The following DCN variants were observed in gnomAD, a reference collection of about 807,000 sequenced individuals.
DCN encodes the protein decorin, also known as bone proteoglycan II.
A neutral mutation model predicts 36.5 loss-of-function variants in DCN; 17 were observed. The observed-to-expected ratio is 0.47, with a 90% confidence interval of 0.32 to 0.70. DCN has a LOEUF of 0.70. Ranked by LOEUF, DCN falls within the 30% of genes least tolerant of loss-of-function variation. DCN has a pLI of 0.04. For missense variants in DCN, 389 were observed against 430.1 expected (o/e 0.90, Z 0.84); for synonymous variants, 163 against 161.4 (o/e 1.01, Z -0.07).
chr12:91,143,377 G>A lies in DCN; in HGVS notation c.*2681C>T, dbSNP rs1267962956. The A allele has an allele frequency of 1.3e-5, 2 of 152,166 alleles. No individual in the cohort carries two copies. Among genetic ancestry groups the A allele is most frequent in the African/African-American group, 4.8e-5 (2 of 41,438 alleles). The allele number at this position is 152,166 out of a possible 1,614,324, so 9.4% of individuals were successfully genotyped here. A position where few individuals can be genotyped will look rare whatever the true frequency, so the allele number is the denominator to read the frequency against. Reference sequence around the variant, plus strand: ...ACAAAAGACAGACATGGTACAATAGGAAACGAGAGGACTCTCTGCTGACTT... The same window carrying A: ...ACAAAAGACAGACATGGTACAATAGAAAACGAGAGGACTCTCTGCTGACTT... On this transcript the variant is annotated 3_prime_UTR_variant, in exon 8 of 8. Transcript: ENST00000052754.
In DCN at chr12:91,140,883, T is replaced by C. The variant is rs1030177761; in HGVS notation, c.*5175A>G. Reference sequence around the variant, plus strand: ...GTGGCCCAGGCCAAAATTCCTGAAGTCATCTCTGTTTCTTTTCTTTCTCTC... The same window carrying C: ...GTGGCCCAGGCCAAAATTCCTGAAGCCATCTCTGTTTCTTTTCTTTCTCTC... On this transcript the variant is annotated 3_prime_UTR_variant, in exon 8 of 8. Coordinates refer to ENST00000052754, the MANE Select transcript of DCN (RefSeq NM_001920.5). 3.3e-5 allele frequency: 5 copies of C among 152,228 alleles called. No homozygotes were observed. Among genetic ancestry groups the C allele is most frequent in the Non-Finnish European group, 5.9e-5 (4 of 68,074 alleles). The allele number at this position is 152,228 out of a possible 1,614,324, so 9.4% of individuals were successfully genotyped here.
intron 4 of DCN, among the ~76,000 whole-genome samples, chr12:91,157,431 A>C (rs1010613436): frequency 6.6e-6 from 1 of 152,208 alleles, no homozygotes; most frequent in Non-Finnish European, 1.5e-5. Context: ...TATGAAAAAG[A>C]CTATTAGTGA....
At chr12:91,154,111 T>C (rs996934678) in intron 5 of DCN, among the ~76,000 whole-genome samples, 1 of 152,078 alleles carries the variant, frequency 6.6e-6, no homozygotes, top group Non-Finnish European at 1.5e-5. Context: ...AGACACAGAA[T>C]TGAAAAACCA....
rs1315649530 is a variant in DCN at position 91,146,250 on chromosome 12, A to G, written c.888T>C (p.Val296=). The G allele has an allele frequency of 1.9e-6, 3 of 1,585,446 alleles. No homozygotes were observed. The highest frequency in any genetic ancestry group is 2.7e-5 in the African/African-American group (2 of 74,382). The part of the protein sequence containing the change: ...GGLAEHKYIQ[V]VYLHNNNISV... ...AGATATTGTTGTTATGAAGGTAGAC[A>G]ACCTACAACATGAAACGATAGAAAA... Residue 296 remains valine (V), a splice_region_variant and synonymous_variant, in exon 8 of 8, where the codon GTT becomes GTC. Transcript: ENST00000052754.
intron 7 of DCN, among the ~76,000 whole-genome samples, chr12:91,147,405 T>C (rs1881097635): frequency 6.6e-6 from 1 of 152,248 alleles, no homozygotes; most frequent in African/African-American, 2.4e-5. Flanking sequence ...TTTTTCTTCA[T>C]AGCATTATCA....
intron 7 of DCN, among the ~76,000 whole-genome samples, chr12:91,149,548 G>A (rs1218561112): frequency 6.6e-6 from 1 of 152,154 alleles, no homozygotes; most frequent in Non-Finnish European, 1.5e-5. Context: ...AGGCAAAGAT[G>A]TCTAATTTCA....
chr12:91,164,656 G>A lies in DCN; in HGVS notation c.273C>T (p.Asn91=), dbSNP rs1882423106. ...CTCCATCTTTGATTTCGGTTATTTT[G>A]TTGTTTTGCAGGTCTAGCAGAGTTG... is the stretch of plus-strand genomic sequence containing the variant. ...PDTTLLDLQN[N]KITEIKDGDF... Residue 91 remains asparagine, a synonymous_variant, in exon 3 of 8, where the codon AAC becomes AAT. Coordinates refer to ENST00000052754, the MANE Select transcript of DCN (RefSeq NM_001920.5). 1.2e-6 allele frequency: 2 copies of A among 1,613,112 alleles called. No homozygotes were observed. The highest frequency in any genetic ancestry group is 1.3e-5 in the African/African-American group (1 of 74,862).
chr12:91,157,383 A>G (rs1336931128), intron 4 of DCN, among the ~76,000 whole-genome samples, 195 bp from the exon 5 acceptor site: 3 of 152,240 alleles, frequency 2.0e-5, no homozygotes, highest in African/African-American at 7.2e-5. Context: ...TATTAAAACA[A>G]AAGCCAAACA....
intron 7 of DCN, chr12:91,151,278 G>A: frequency 4.3e-6 from 1 of 229,952 alleles, no homozygotes; most frequent in Non-Finnish European, 8.7e-6. Context: ...GCTCTTTCCA[G>A]TCAATTCTTG....
intron 2 of DCN, among the ~76,000 whole-genome samples, chr12:91,167,472 GACACACACAC>G (rs34663648): frequency 6.9e-6 from 1 of 145,126 alleles, no homozygotes; most frequent in Admixed American, 6.9e-5. Context: ...CAGACAGACA[GACACACACAC>G]ACACACACAC....
chr12:91,164,234 A>G (rs3138222), intron 3 of DCN, among the ~76,000 whole-genome samples: 1 of 151,952 alleles, frequency 6.6e-6, no homozygotes, highest in Non-Finnish European at 1.5e-5. Flanking sequence ...GGGGAAGGGG[A>G]AGGGATAGCA....
chr12:91,146,603 C>T (rs1349900720), intron 7 of DCN, among the ~76,000 whole-genome samples: 1 of 152,114 alleles, frequency 6.6e-6, no homozygotes, highest in East Asian at 1.9e-4. Flanking sequence ...ATCCGGCCAC[C>T]TCAGCCTCCT....
chr12:91,159,064 C>T (rs942293696), intron 3 of DCN, among the ~76,000 whole-genome samples: 3 of 152,020 alleles, frequency 2.0e-5, no homozygotes, highest in Admixed American at 6.6e-5. Flanking sequence ...GCACTCTACA[C>T]ACACAGACAT....
rs561836300 is a variant in DCN at position 91,142,586 on chromosome 12, T to C, written c.*3472A>G. ...CCTAATTTATGTCATGAGAATTACATAGTAACATTTATTGCCAGATCAAAG... is the reference window on the plus strand; with the variant it reads ...CCTAATTTATGTCATGAGAATTACACAGTAACATTTATTGCCAGATCAAAG... On this transcript the variant is annotated 3_prime_UTR_variant, in exon 8 of 8. Transcript: ENST00000052754. The C allele has an allele frequency of 1.3e-5, 2 of 152,342 alleles. No homozygotes were observed. The highest frequency in any genetic ancestry group is 1.9e-4 in the East Asian group (1 of 5,188). The allele number at this position is 152,342 out of a possible 1,614,324, so 9.4% of individuals were successfully genotyped here. A position where few individuals can be genotyped will look rare whatever the true frequency, so the allele number is the denominator to read the frequency against.
chr12:91,145,610 T>C lies in DCN; in HGVS notation c.*448A>G, dbSNP rs992820929. Reference sequence around the variant, plus strand: ...ACATAGCCTGTATTGAATTCACACATTCAAATGAGGCTTTACCAGTAATGA... The same window carrying C: ...ACATAGCCTGTATTGAATTCACACACTCAAATGAGGCTTTACCAGTAATGA... On this transcript the variant is annotated 3_prime_UTR_variant, in exon 8 of 8. Coordinates refer to ENST00000052754, the MANE Select transcript of DCN (RefSeq NM_001920.5). The C allele has an allele frequency of 5.4e-6, 1 of 183,888 alleles. No individual in the cohort carries two copies. The highest frequency in any genetic ancestry group is 2.4e-5 in the African/African-American group (1 of 41,946). The allele number at this position is 183,888 out of a possible 1,614,324, so 11.4% of individuals were successfully genotyped here.
intron 7 of DCN, among the ~76,000 whole-genome samples, chr12:91,146,969 A>G (rs1464443855): frequency 6.6e-6 from 1 of 152,150 alleles, no homozygotes; most frequent in Non-Finnish European, 1.5e-5. Flanking sequence ...TGCCCTGATT[A>G]TTATTCCTGC....
chr12:91,172,867 T>G, intron 2 of DCN: 1 of 624,258 alleles, frequency 1.6e-6, no homozygotes, highest in Non-Finnish European at 2.8e-6. Context: ...AATACTTCTT[T>G]TCTAGTGAAA....
chr12:91,161,943 A>ATTTT (rs34042357), intron 3 of DCN, among the ~76,000 whole-genome samples: 1 of 143,018 alleles, frequency 7.0e-6, no homozygotes, highest in Non-Finnish European at 1.5e-5. Context: ...TTATCTACCA[A>ATTTT]TTTTTTTTTT....
In DCN at chr12:91,146,194, G is replaced by A. The variant is rs777270608; in HGVS notation, c.944C>T (p.Pro315Leu). The change falls in exon 8 of 8, where the codon CCT (proline) becomes CTT (leucine). Residue 315 changes from proline (P) to leucine (L), a missense_variant. By Grantham distance (98) the Pro-to-Leu change is moderately conservative. Coordinates refer to ENST00000052754, the MANE Select transcript of DCN (RefSeq NM_001920.5). ...SVVGSSDFCP[P>L]GHNTKKASYS... ...AGAAGCCTTTTTGGTGTTGTGTCCA[G>A]GTGGGCAGAAGTCACTTGATCCAAC... The A allele has an allele frequency of 1.9e-6, 3 of 1,613,520 alleles. No individual in the cohort carries two copies. Among genetic ancestry groups the A allele is most frequent in the East Asian group, 2.2e-5 (1 of 44,864 alleles).
Sources: gnomAD v4.1 joint callset for allele counts (sites outside exome capture counted in the v4.1 genomes callset) on GRCh38, gnomAD v4.1.1 for gene constraint, MANE v1.5 for transcripts, NCBI Gene and HGNC (gene_info 2026-07-23, HGNC 2026-07-21) for gene names.